B3GNT6: variants seen among roughly 807,000 people sequenced by gnomAD.
The protein encoded by B3GNT6 is acetylgalactosaminyl-O-glycosyl-glycoprotein beta-1,3-N-acetylglucosaminyltransferase.
For missense variants in B3GNT6, 624 were observed against 568.6 expected, an observed-to-expected ratio of 1.10 and a Z score of -0.99; for synonymous variants, 300 against 270.0, an observed-to-expected ratio of 1.11 and a Z score of -1.09.
chr11:77,040,329 A>T lies in B3GNT6; in HGVS notation c.778A>T (p.Ser260Cys). The T allele has an allele frequency of 6.4e-7, 1 of 1,562,752 alleles. No individual in the cohort carries two copies. Among genetic ancestry groups the T allele is most frequent in the Non-Finnish European group, 8.6e-7 (1 of 1,162,068 alleles). Residue 260 changes from serine (S) to cysteine (C), a missense_variant, in exon 2 of 2, where the codon AGC becomes TGC. Ser to Cys is a moderately radical substitution (Grantham distance 112). Transcript: ENST00000622824. ...GGAGGGCTCCGTGCCCATCCGCGAC[A>T]GCTGGAGCAAGTACTTCGTGCCGCC... ...LMEGSVPIRD[S>C]WSKYFVPPQL... is the part of the protein sequence containing the mutation.
chr11:77,036,397 C>T (rs563932384), intron 1 of B3GNT6, among the ~76,000 whole-genome samples: 23 of 152,320 alleles, frequency 1.5e-4, no homozygotes, highest in African/African-American at 5.5e-4. Flanking sequence ...GTTCACTGCT[C>T]CCATTCTTTC....
At chr11:77,038,868 C>T (rs1457211428) in intron 1 of B3GNT6, among the ~76,000 whole-genome samples, 1 of 152,168 alleles carries the variant, frequency 6.6e-6, no homozygotes, top group Non-Finnish European at 1.5e-5. Context: ...CAGTCACTGG[C>T]CACTTCATAC....
At chr11:77,039,442 T>A (rs1185822929) in intron 1 of B3GNT6, 110 bp from the exon 2 acceptor site, 2 of 1,491,402 alleles carry the variant, frequency 1.3e-6, no homozygotes, top group African/African-American at 2.9e-5. Flanking sequence ...ACAGCAGAGT[T>A]GAGAAGGGGC....
intron 1 of B3GNT6, among the ~76,000 whole-genome samples, chr11:77,036,156 G>GA (rs1340496969): frequency 2.6e-5 from 4 of 151,156 alleles, no homozygotes; most frequent in East Asian, 3.9e-4. Context: ...TTCATTCATT[G>GA]AAAAAAAAAT....
Position 77,040,288 on chromosome 11 carries a change from T to C in B3GNT6, c.737T>C (p.Phe246Ser), listed in dbSNP as rs782781650. The change falls in exon 2 of 2, where the codon TTC becomes TCC. Residue 246 changes from phenylalanine (F) to serine (S), a missense_variant. Physicochemically the swap from Phe to Ser is radical, Grantham distance 155. Transcript: ENST00000622824. ...LQAQPPGRHL[F>S]SGQLMEGSVP... The stretch of plus-strand genomic sequence containing the variant: ...GCGCAGCCACCCGGCCGCCACCTGT[T>C]CTCCGGCCAGCTCATGGAGGGCTCC... 1 of 1,592,438 alleles carries C rather than the reference T, an allele frequency of 6.3e-7. No individual in the cohort carries two copies. Among genetic ancestry groups the C allele is most frequent in the Non-Finnish European group, 8.5e-7 (1 of 1,176,934 alleles).
At position 77,040,641 on chromosome 11, in the gene B3GNT6, C is replaced by T; in HGVS notation, c.1090C>T (p.Leu364=). 1.2e-6 allele frequency: 2 copies of T among 1,601,210 alleles called. No homozygotes were observed. The highest frequency in any genetic ancestry group is 1.7e-6 in the Non-Finnish European group (2 of 1,179,216). The change falls in exon 2 of 2, where the codon CTG becomes TTG. Residue 364 remains leucine (L), a synonymous_variant. Coordinates refer to ENST00000622824, the MANE Select transcript of B3GNT6 (RefSeq NM_138706.5). ...LVHRFAPYEM[L]LMWKALHSPA... ...GCACCGCTTCGCGCCCTACGAGATG[C>T]TGCTCATGTGGAAGGCGCTGCACAG...
Position 77,039,940 on chromosome 11 carries a change from A to G in B3GNT6, c.389A>G (p.Tyr130Cys). Residue 130 changes from tyrosine (Y) to cysteine (C), a missense_variant, in exon 2 of 2, where the codon TAC becomes TGC. By Grantham distance (194) the Tyr-to-Cys change is radical. Transcript: ENST00000622824. ...GCGGTGAAGTCGGCGCCTGAGCACTACGAGCGACGCGAGCTCATCCGGCGC... is the reference window on the plus strand; with the variant it reads ...GCGGTGAAGTCGGCGCCTGAGCACTGCGAGCGACGCGAGCTCATCCGGCGC... ...LLAVKSAPEHYERRELIRRTW... is the reference protein window; with the variant it reads ...LLAVKSAPEHCERRELIRRTW... The G allele has an allele frequency of 1.3e-6, 2 of 1,592,446 alleles. No homozygotes were observed. The highest frequency in any genetic ancestry group is 1.7e-6 in the Non-Finnish European group (2 of 1,176,906).
chr11:77,037,681 C>T (rs571119187), intron 1 of B3GNT6, among the ~76,000 whole-genome samples: 23 of 151,148 alleles, frequency 1.5e-4, no homozygotes, highest in Non-Finnish European at 2.8e-4. Context: ...GAAGCCAAGG[C>T]GGGAGGATCA....
In B3GNT6 at chr11:77,041,832, C is replaced by T. The variant is rs1316200342; in HGVS notation, c.*1126C>T. ...ATTAGCCGGCCATAGTGGCTCGTGC[C>T]TGTAATCTCAGCTATTTGGGAGGCT... On this transcript the variant is annotated 3_prime_UTR_variant, in exon 2 of 2. Coordinates refer to ENST00000622824, the MANE Select transcript of B3GNT6 (RefSeq NM_138706.5). 1 of 152,404 alleles carries T rather than the reference C, an allele frequency of 6.6e-6. No individual in the cohort carries two copies. Among genetic ancestry groups the T allele is most frequent in the Admixed American group, 6.5e-5 (1 of 15,274 alleles). 9.4% of individuals were successfully genotyped at this position (152,404 alleles called of 1,614,324 possible).
rs782696125 is a variant in B3GNT6 at position 77,039,599 on chromosome 11, C to T, written c.48C>T (p.Cys16=). Residue 16 remains cysteine, a synonymous_variant, in exon 2 of 2, where the codon TGC becomes TGT. Coordinates refer to ENST00000622824, the MANE Select transcript of B3GNT6 (RefSeq NM_138706.5). ...RRSLTAKTLA[C]LLVGVSFLAL... Reference sequence around the variant, plus strand: ...CCCTGACTGCCAAGACTCTGGCCTGCCTCCTGGTGGGCGTGAGTTTCTTAG... The same window carrying T: ...CCCTGACTGCCAAGACTCTGGCCTGTCTCCTGGTGGGCGTGAGTTTCTTAG... The T allele has an allele frequency of 1.2e-6, 2 of 1,608,772 alleles. No homozygotes were observed. Among genetic ancestry groups the T allele is most frequent in the Non-Finnish European group, 1.7e-6 (2 of 1,177,762 alleles).
intron 1 of B3GNT6, among the ~76,000 whole-genome samples, chr11:77,035,083 C>T (rs897682823): frequency 2.0e-5 from 3 of 152,040 alleles, no homozygotes; most frequent in Admixed American, 6.6e-5. Flanking sequence ...CACTTGAACC[C>T]GGGAGCCTGA....
chr11:77,035,788 G>A (rs1949629082), intron 1 of B3GNT6, among the ~76,000 whole-genome samples: 1 of 152,352 alleles, frequency 6.6e-6, no homozygotes, highest in Non-Finnish European at 1.5e-5. Flanking sequence ...CCGCCCTTGG[G>A]AACAGGGCCT....
In B3GNT6 at chr11:77,040,731, G is replaced by T. The variant is rs372440646; in HGVS notation, c.*25G>T. 259 of 1,540,588 alleles carry T rather than the reference G, an allele frequency of 1.7e-4. No homozygotes were observed. The highest frequency in any genetic ancestry group is 3.3e-4 in the Admixed American group (18 of 53,856). On this transcript the variant is annotated 3_prime_UTR_variant, in exon 2 of 2. Transcript: ENST00000622824. Reference sequence around the variant, plus strand: ...AGGCCAGTTGGGCGGCTTCAGCCCCGGGCCTCCAACCATGTCCATGCTGAG... The same window carrying T: ...AGGCCAGTTGGGCGGCTTCAGCCCCTGGCCTCCAACCATGTCCATGCTGAG...
chr11:77,034,641 G>A (rs1949620539), intron 1 of B3GNT6, among the ~76,000 whole-genome samples, 163 bp downstream of exon 1: 1 of 152,162 alleles, frequency 6.6e-6, no homozygotes, highest in South Asian at 2.1e-4. Context: ...CAGACCCCAG[G>A]GCTCAGGGAT....
rs781800403 is a variant in B3GNT6, at chr11:77,040,092, G to A, written c.541G>A (p.Glu181Lys). ...GGAGCTGGTGGCGCTGGAGGCGCGC[G>A]AGCACGGCGACGTGCTGCAGTGGGC... ...LAELVALEAR[E>K]HGDVLQWAFA... Residue 181 changes from glutamate to lysine, a missense_variant, in exon 2 of 2, where the codon GAG becomes AAG. Coordinates refer to ENST00000622824, the MANE Select transcript of B3GNT6 (RefSeq NM_138706.5). The A allele has an allele frequency of 1.3e-6, 2 of 1,592,132 alleles. No homozygotes were observed. Among genetic ancestry groups the A allele is most frequent in the Middle Eastern group, 1.7e-4 (1 of 6,026 alleles).
At chr11:77,038,522 G>A (rs1949657475) in intron 1 of B3GNT6, among the ~76,000 whole-genome samples, 1 of 152,056 alleles carries the variant, frequency 6.6e-6, no homozygotes, top group African/African-American at 2.4e-5. Context: ...ACTGCAGTGA[G>A]TCATGATGGT....
At chr11:77,038,836 A>C (rs1949660081) in intron 1 of B3GNT6, among the ~76,000 whole-genome samples, 1 of 152,068 alleles carries the variant, frequency 6.6e-6, no homozygotes, top group Non-Finnish European at 1.5e-5. Flanking sequence ...CTCACCCATA[A>C]GGTCATATCA....
Position 77,040,037 on chromosome 11 carries a change from C to A in B3GNT6, c.486C>A (p.Pro162=), listed in dbSNP as rs782522041. ...TCTTTCTATTGGGCACCCCGGGCCC[C>A]GAGGACGAGGCGCGCGCGGAGCGGC... The part of the protein sequence containing the change: ...RRLFLLGTPG[P]EDEARAERLA... Residue 162 remains proline (P), a synonymous_variant, in exon 2 of 2, where the codon CCC becomes CCA. Coordinates refer to ENST00000622824, the MANE Select transcript of B3GNT6 (RefSeq NM_138706.5). 6.3e-7 allele frequency: 1 copy of A among 1,580,468 alleles called. No individual in the cohort carries two copies. Among genetic ancestry groups the A allele is most frequent in the Non-Finnish European group, 8.5e-7 (1 of 1,172,280 alleles).
chr11:77,036,366 G>A (rs1444032029), intron 1 of B3GNT6, among the ~76,000 whole-genome samples: 1 of 152,116 alleles, frequency 6.6e-6, no homozygotes, highest in Non-Finnish European at 1.5e-5. Flanking sequence ...CTTTTGCAGG[G>A]TTCTCACACT....
Sources: gnomAD v4.1 joint callset for allele counts (sites outside exome capture counted in the v4.1 genomes callset) on GRCh38, gnomAD v4.1.1 for gene constraint, MANE v1.5 for transcripts, NCBI Gene and HGNC (gene_info 2026-07-23, HGNC 2026-07-21) for gene names.